The following NCOR1 variants were observed in gnomAD, a reference collection of about 807,000 sequenced individuals.
The protein encoded by NCOR1 is nuclear receptor corepressor 1, also known as protein phosphatase 1, regulatory subunit 109.
NCOR1 carries 63 observed loss-of-function variants against 288.1 expected under a neutral mutation model. That is an observed-to-expected ratio of 0.22 (90% CI 0.18 to 0.27). The LOEUF is 0.27. NCOR1 is among the 10% of genes least tolerant of loss of function. The pLI is 1.00. For missense variants in NCOR1, 2,397 were observed against 3,019.2 expected, an observed-to-expected ratio of 0.79 and a Z score of 4.83; for synonymous variants, 1,007 against 1,065.9, an observed-to-expected ratio of 0.94 and a Z score of 1.08.
intron 1 of NCOR1, among the ~76,000 whole-genome samples, chr17:16,211,856 G>A (rs1035282461): frequency 6.6e-6 from 1 of 152,158 alleles, no homozygotes; most frequent in Non-Finnish European, 1.5e-5. Context: ...CTACATTACA[G>A]AAGCTTTTCA....
chr17:16,058,604 A>G lies in NCOR1; in HGVS notation c.5882-5T>C. ...TTTCATACCTGTGAGAAGATACTTTAAGAAAAGAAAATCTTATTTCAAAAC... is the reference window on the plus strand; with the variant it reads ...TTTCATACCTGTGAGAAGATACTTTGAGAAAAGAAAATCTTATTTCAAAAC... On this transcript the variant is annotated splice_region_variant and splice_polypyrimidine_tract_variant and intron_variant, in intron 37 of 45. Coordinates refer to ENST00000268712, the MANE Select transcript of NCOR1 (RefSeq NM_006311.4). The G allele has an allele frequency of 6.3e-7, 1 of 1,587,464 alleles. No individual in the cohort carries two copies. The highest frequency in any genetic ancestry group is 2.2e-5 in the East Asian group (1 of 44,576).
intron 8 of NCOR1, among the ~76,000 whole-genome samples, chr17:16,149,877 G>C (rs2078588168): frequency 6.6e-6 from 1 of 152,098 alleles, no homozygotes; most frequent in South Asian, 2.1e-4. Flanking sequence ...TAGAAGAGAA[G>C]GAAACATTTT....
Position 16,158,859 on chromosome 17 carries a change from T to C in NCOR1, c.633A>G (p.Glu211=), listed in dbSNP as rs2080248171. The C allele has an allele frequency of 1.2e-6, 2 of 1,613,862 alleles. No individual in the cohort carries two copies. Among genetic ancestry groups the C allele is most frequent in the Non-Finnish European group, 1.7e-6 (2 of 1,179,774 alleles). The change falls in exon 6 of 46, where the codon GAA becomes GAG. Residue 211 remains glutamate (E), a synonymous_variant. Coordinates refer to ENST00000268712, the MANE Select transcript of NCOR1 (RefSeq NM_006311.4). ...CAGGCTCAGGAGGTTTAGCTGCCTC[T>C]TCTTCAAGCTGTTGCTAAGAGATCC... ...KLKKKQQQLE[E]EAAKPPEPEK... is the part of the protein sequence containing the mutation.
chr17:16,137,377 G>T lies in NCOR1; in HGVS notation c.1443C>A (p.Thr481=). Residue 481 remains threonine (T), a synonymous_variant, in exon 14 of 46, where the codon ACC becomes ACA. Coordinates refer to ENST00000268712, the MANE Select transcript of NCOR1 (RefSeq NM_006311.4). ...GGGCTTTATAATTCTCATTTTTCTT[G>T]GTTAAATAGTAATACAAAACACAAT... ...VPDCVLYYYL[T]KKNENYKALV... The T allele has an allele frequency of 6.3e-7, 1 of 1,590,844 alleles. No homozygotes were observed. Among genetic ancestry groups the T allele is most frequent in the South Asian group, 1.1e-5 (1 of 87,574 alleles).
intron 14 of NCOR1, among the ~76,000 whole-genome samples, chr17:16,129,451 C>A (rs7216834): frequency 0.45 from 68,816 of 152,048 alleles, 16,597 homozygotes; most frequent in Middle Eastern, 0.58. Context: ...TAACTTCTCA[C>A]CCTGGCTAAC....
At chr17:16,211,015 G>C (rs1223269216) in intron 1 of NCOR1, among the ~76,000 whole-genome samples, 1 of 152,072 alleles carries the variant, frequency 6.6e-6, no homozygotes, top group Non-Finnish European at 1.5e-5. Context: ...ACAGGTGTGA[G>C]CCACCGCGCC....
At chr17:16,082,644 A>G (rs1049665478) in intron 23 of NCOR1, among the ~76,000 whole-genome samples, 49 of 152,138 alleles carry the variant, frequency 3.2e-4, no homozygotes, top group African/African-American at 1.2e-3. Context: ...GACTGAGCCC[A>G]GGAGACTGAT....
intron 2 of NCOR1, among the ~76,000 whole-genome samples, chr17:16,190,397 CG>C (rs1568574371): frequency 6.6e-6 from 1 of 151,702 alleles, no homozygotes; most frequent in Admixed American, 6.6e-5. Flanking sequence ...TGCAGCGGCA[CG>C]ATCTAGGCTC....
In NCOR1 at chr17:16,171,996, C is replaced by A; in HGVS notation, c.243-1G>T. ...ATAACTAGTTCTCCTTTCTTGAGGC[C>A]TAATACATACAAAGAAAATAAACAC... is the stretch of plus-strand genomic sequence containing the variant. On this transcript the variant is annotated splice_acceptor_variant, in intron 3 of 45. Coordinates refer to ENST00000268712, the MANE Select transcript of NCOR1 (RefSeq NM_006311.4). LOFTEE classifies it high-confidence loss of function. 1 of 1,536,734 alleles carries A rather than the reference C, an allele frequency of 6.5e-7. No individual in the cohort carries two copies. Among genetic ancestry groups the A allele is most frequent in the Admixed American group, 2.2e-5 (1 of 46,282 alleles).
At chr17:16,051,085 C>T (rs555883711) in intron 40 of NCOR1, among the ~76,000 whole-genome samples, 46 of 152,294 alleles carry the variant, frequency 3.0e-4, no homozygotes, top group South Asian at 1.2e-3. Context: ...GCGATCCTCT[C>T]GCCTTGGTCT....
chr17:16,059,704 G>A (rs1302366093), intron 37 of NCOR1, among the ~76,000 whole-genome samples: 1 of 152,138 alleles, frequency 6.6e-6, no homozygotes, highest in African/African-American at 2.4e-5. Flanking sequence ...CAGAATCTGA[G>A]AGCACTGTCA....
At chr17:16,137,883 T>C (rs796724057) in intron 13 of NCOR1, 1 of 353,622 alleles carries the variant, frequency 2.8e-6, no homozygotes, top group African/African-American at 2.1e-5. Context: ...GAGACTGATA[T>C]TTTAATTAGA....
At chr17:16,156,599 G>A (rs1321901827) in intron 6 of NCOR1, among the ~76,000 whole-genome samples, 1 of 152,004 alleles carries the variant, frequency 6.6e-6, no homozygotes, top group Admixed American at 6.6e-5. Context: ...GTTGTTGTGG[G>A]TTAGAAACAA....
At chr17:16,215,311 G>A (rs949305974) in intron 1 of NCOR1, 51 bp downstream of exon 1, 24 of 390,624 alleles carry the variant, frequency 6.1e-5, no homozygotes, top group Non-Finnish European at 8.6e-5. Context: ...GGAAGCCCCC[G>A]GACTAGCAGG....
intron 19 of NCOR1, among the ~76,000 whole-genome samples, chr17:16,104,276 G>GA (rs923888756): frequency 5.3e-5 from 8 of 150,800 alleles, no homozygotes; most frequent in South Asian, 2.1e-4. Flanking sequence ...AACCGTCTGG[G>GA]AAAAAAAAAT....
intron 19 of NCOR1, 29 bp downstream of exon 19, chr17:16,108,757 T>C (rs2153053727): frequency 6.4e-7 from 1 of 1,568,084 alleles, no homozygotes; most frequent in Non-Finnish European, 8.6e-7. Flanking sequence ...ATAGCAGATG[T>C]CACAACTAAA....
chr17:16,177,364 G>A lies in NCOR1; in HGVS notation c.243-5369C>T, dbSNP rs566294474. Among the ~76,000 whole-genome samples, 15 of 152,146 alleles carry A rather than the reference G, an allele frequency of 9.9e-5. 1 individual carries two copies. In the South Asian group the frequency reaches 1.9e-3, roughly 19 times the overall value. On this transcript the variant is annotated intron_variant, in intron 3 of 45. Transcript: ENST00000268712. The stretch of plus-strand genomic sequence containing the variant: ...GCTCTTTATGTTTCTTACACGTGGC[G>A]ATTTTATTTTTGGCATACTATGTTG...
chr17:16,183,680 A>T (rs2153515904), intron 3 of NCOR1, among the ~76,000 whole-genome samples: 1 of 152,316 alleles, frequency 6.6e-6, no homozygotes, highest in Middle Eastern at 3.4e-3. Context: ...TACAGTACAG[A>T]TTCAACACAA....
intron 21 of NCOR1, among the ~76,000 whole-genome samples, chr17:16,093,441 T>G (rs1427781494): frequency 6.6e-6 from 1 of 152,236 alleles, no homozygotes; most frequent in Admixed American, 6.5e-5. Context: ...TACACAGTAT[T>G]TGCCAGTTTG....
Sources: allele counts gnomAD v4.1 joint callset (sites outside exome capture counted in the v4.1 genomes callset), GRCh38; gene constraint gnomAD v4.1.1; transcripts MANE v1.5; gene names NCBI Gene and HGNC (gene_info 2026-07-23, HGNC 2026-07-21).